Variants in MEIS2 observed in about 807,000 individuals in gnomAD.
The protein encoded by MEIS2 is homeobox protein Meis2.
A neutral mutation model predicts 58.6 loss-of-function variants in MEIS2; 9 were observed. That is an observed-to-expected ratio of 0.15 (90% CI 0.09 to 0.27). The LOEUF (loss-of-function observed/expected upper bound fraction) is 0.27, where lower values mean the gene tolerates loss of function less well. MEIS2 is among the 10% of genes least tolerant of loss of function. MEIS2 has a pLI of 1.00. For missense variants in MEIS2, 427 were observed against 635.0 expected, an observed-to-expected ratio of 0.67 and a Z score of 3.52; for synonymous variants, 221 against 228.4, an observed-to-expected ratio of 0.97 and a Z score of 0.29.
At chr15:36,949,821 T>C (rs561909371) in intron 9 of MEIS2, among the ~76,000 whole-genome samples, 3 of 151,942 alleles carry the variant, frequency 2.0e-5, no homozygotes, top group Admixed American at 1.3e-4. Flanking sequence ...ATCGCAAAAA[T>C]GGAAAAACCT....
chr15:37,044,228 G>A (rs187306500), intron 7 of MEIS2, among the ~76,000 whole-genome samples: 4 of 152,266 alleles, frequency 2.6e-5, no homozygotes, highest in Admixed American at 1.3e-4. Context: ...AAGCTGCTGG[G>A]AGAAGAAGAT....
chr15:36,996,103 A>G (rs544965810), intron 8 of MEIS2, among the ~76,000 whole-genome samples: 1 of 149,982 alleles, frequency 6.7e-6, no homozygotes, highest in Admixed American at 6.8e-5. Flanking sequence ...GTGAATAATT[A>G]TGCTACTTAG....
chr15:37,067,143 G>T (rs1163914578), intron 7 of MEIS2, among the ~76,000 whole-genome samples: 1 of 148,738 alleles, frequency 6.7e-6, no homozygotes, highest in Non-Finnish European at 1.5e-5. Flanking sequence ...AGGCTGGAGT[G>T]CAGTGGCATG....
intron 8 of MEIS2, among the ~76,000 whole-genome samples, chr15:36,981,011 G>C (rs905846130): frequency 6.6e-6 from 1 of 152,054 alleles, no homozygotes; most frequent in Non-Finnish European, 1.5e-5. Context: ...AGTACTTTTT[G>C]TCAGGCTTCT....
intron 7 of MEIS2, among the ~76,000 whole-genome samples, chr15:37,053,661 G>A (rs994547872): frequency 1.6e-4 from 24 of 152,124 alleles, no homozygotes; most frequent in African/African-American, 2.7e-4. Context: ...TTATTTAAAT[G>A]ATAAAAAATG....
intron 9 of MEIS2, among the ~76,000 whole-genome samples, chr15:36,929,570 T>C (rs987930533): frequency 6.6e-6 from 1 of 152,210 alleles, no homozygotes; most frequent in African/African-American, 2.4e-5. Context: ...AAACAACTGA[T>C]GTAATAGTTT....
chr15:36,995,490 A>C (rs1303476403), intron 8 of MEIS2, among the ~76,000 whole-genome samples: 1 of 151,922 alleles, frequency 6.6e-6, no homozygotes, highest in Non-Finnish European at 1.5e-5. Context: ...CCAGAAATTT[A>C]TTTGTTCTTC....
chr15:36,956,475 T>G (rs950804448), intron 8 of MEIS2, among the ~76,000 whole-genome samples: 1 of 152,212 alleles, frequency 6.6e-6, no homozygotes, highest in African/African-American at 2.4e-5. Flanking sequence ...GGTGGCTAAG[T>G]GACTCAAGTT....
At chr15:36,894,782 C>G in intron 11 of MEIS2, 3 of 1,613,780 alleles carry the variant, frequency 1.9e-6, no homozygotes, top group Non-Finnish European at 2.5e-6. Context: ...CCCATCCATG[C>G]CCATATTCAT....
At chr15:37,035,511 A>G (rs1180468320) in intron 8 of MEIS2, among the ~76,000 whole-genome samples, 4 of 152,192 alleles carry the variant, frequency 2.6e-5, no homozygotes, top group Non-Finnish European at 5.9e-5. Flanking sequence ...TTAAGTAATC[A>G]GTCCAGAGAC....
chr15:36,953,787 T>C (rs1336651265), intron 8 of MEIS2, among the ~76,000 whole-genome samples: 3 of 152,218 alleles, frequency 2.0e-5, no homozygotes, highest in East Asian at 3.8e-4. Context: ...AAGGACTCAT[T>C]TGAAAGCAAG....
intron 4 of MEIS2, 29 bp downstream of exon 4, chr15:37,095,535 G>T (rs1894120724): frequency 6.2e-7 from 1 of 1,614,092 alleles, no homozygotes; most frequent in Non-Finnish European, 8.5e-7. Flanking sequence ...GGCAAAGGCT[G>T]GGGAAAAACA....
chr15:36,987,696 T>A (rs2060137629), intron 8 of MEIS2, among the ~76,000 whole-genome samples: 1 of 151,994 alleles, frequency 6.6e-6, no homozygotes, highest in Non-Finnish European at 1.5e-5. Flanking sequence ...AAAAGGCATG[T>A]CAGCTGAGGG....
intron 7 of MEIS2, among the ~76,000 whole-genome samples, chr15:37,048,250 T>C (rs183700057): frequency 1.3e-5 from 2 of 152,312 alleles, no homozygotes; most frequent in East Asian, 1.9e-4. Context: ...TGTTTTAGTA[T>C]AGATCAATAA....
At chr15:37,046,087 G>C (rs1420980067) in intron 7 of MEIS2, among the ~76,000 whole-genome samples, 2 of 152,224 alleles carry the variant, frequency 1.3e-5, no homozygotes, top group East Asian at 3.9e-4. Context: ...CAAATGCTCG[G>C]AGCTGCAGGG....
At chr15:37,009,378 G>A (rs529862436) in intron 8 of MEIS2, among the ~76,000 whole-genome samples, 1 of 152,198 alleles carries the variant, frequency 6.6e-6, no homozygotes, top group East Asian at 1.9e-4. Flanking sequence ...TAATACATTT[G>A]GGGTTCAGGT....
chr15:37,069,796 C>G (rs1890446694), intron 7 of MEIS2, among the ~76,000 whole-genome samples: 2 of 152,070 alleles, frequency 1.3e-5, no homozygotes, highest in South Asian at 4.1e-4. Context: ...TTTGCTAAAC[C>G]AGAGATCTAG....
chr15:37,083,360 C>A (rs1892475643), intron 7 of MEIS2, among the ~76,000 whole-genome samples: 2 of 152,082 alleles, frequency 1.3e-5, no homozygotes, highest in African/African-American at 2.4e-5. Flanking sequence ...ATTTTATGTG[C>A]TTTAGAGGCA....
intron 6 of MEIS2, among the ~76,000 whole-genome samples, chr15:37,093,138 C>G (rs370893070): frequency 5.0e-4 from 76 of 152,314 alleles, no homozygotes; most frequent in South Asian, 5.0e-3. Context: ...ATCTCTGTGA[C>G]ATACTAGGAA....
Sources: gnomAD v4.1 joint callset for allele counts (sites outside exome capture counted in the v4.1 genomes callset) on GRCh38, gnomAD v4.1.1 for gene constraint, MANE v1.5 for transcripts, NCBI Gene and HGNC (gene_info 2026-07-23, HGNC 2026-07-21) for gene names.